Variants in DLGAP2 observed in about 807,000 individuals in gnomAD.
The protein encoded by DLGAP2 is disks large-associated protein 2.
A neutral mutation model predicts 100.3 loss-of-function variants in DLGAP2; 26 were observed. The observed-to-expected ratio is 0.26, with a 90% CI of 0.19 to 0.36. The LOEUF (loss-of-function observed/expected upper bound fraction) is 0.36. Ranked by LOEUF, DLGAP2 falls within the 10% of genes least tolerant of loss-of-function variation. The probability of loss-of-function intolerance (pLI) is 1.00; values close to 1 mark genes in which losing one functional copy is unlikely to be tolerated. For missense variants in DLGAP2, 1,858 were observed against 1,453.2 expected (o/e 1.28, Z -4.53); for synonymous variants, 886 against 630.1 (o/e 1.41, Z -6.08).
chr8:1,075,144 C>G (rs904238878), intron 2 of DLGAP2, among the ~76,000 whole-genome samples: 8 of 152,248 alleles, frequency 5.3e-5, no homozygotes, highest in African/African-American at 1.4e-4. Flanking sequence ...GAGTTCACCA[C>G]TTGGGGCTGA....
At chr8:1,653,288 T>C (rs898549439) in intron 8 of DLGAP2, among the ~76,000 whole-genome samples, 2 of 152,124 alleles carry the variant, frequency 1.3e-5, no homozygotes, top group Admixed American at 1.3e-4. Flanking sequence ...TGGTTCTTGG[T>C]GCTGGCCCTG....
chr8:948,329 C>T (rs962611392), intron 2 of DLGAP2, among the ~76,000 whole-genome samples: 3 of 152,204 alleles, frequency 2.0e-5, no homozygotes, highest in Non-Finnish European at 4.4e-5. Flanking sequence ...CGCCTGCGGG[C>T]GTGAGGTCCG....
At chr8:1,345,541 T>G (rs1801535234) in intron 3 of DLGAP2, among the ~76,000 whole-genome samples, 1 of 152,260 alleles carries the variant, frequency 6.6e-6, no homozygotes, top group Non-Finnish European at 1.5e-5. Flanking sequence ...TTTAATCTGA[T>G]AAGCCATCTT....
chr8:1,389,316 C>T (rs1049026309), intron 3 of DLGAP2, among the ~76,000 whole-genome samples: 2 of 141,272 alleles, frequency 1.4e-5, no homozygotes, highest in East Asian at 2.1e-4. Context: ...GGGAAGGCGA[C>T]GTGGCTTCCT....
rs1204283330 is a variant in DLGAP2, at chr8:1,028,468, C to T, written c.73+120502C>T. ...TATTCTCCAGGTGGGGTGTCAGGCG[C>T]CCTTTATTCTCCAGGTGGGGTGCCA... On this transcript the variant is annotated intron_variant, in intron 2 of 14. Transcript: ENST00000637795. Among the ~76,000 whole-genome samples, 10 of 151,210 alleles carry T rather than the reference C, an allele frequency of 6.6e-5. No individual in the cohort carries two copies. In the South Asian group the frequency reaches 1.9e-3, roughly 29 times the overall value.
chr8:1,252,527 T>G (rs1006577265), intron 2 of DLGAP2, among the ~76,000 whole-genome samples: 4 of 152,254 alleles, frequency 2.6e-5, no homozygotes, highest in Non-Finnish European at 5.9e-5. Context: ...CACGGTGGTG[T>G]TGTCACGTGG....
At chr8:1,505,898 C>A (rs1204276462) in intron 4 of DLGAP2, among the ~76,000 whole-genome samples, 1 of 151,966 alleles carries the variant, frequency 6.6e-6, no homozygotes, top group Non-Finnish European at 1.5e-5. Context: ...GCTATATTGA[C>A]CCAAATTTTG....
intron 1 of DLGAP2, among the ~76,000 whole-genome samples, chr8:845,173 T>C (rs757784126): frequency 1.6e-4 from 24 of 152,212 alleles, no homozygotes; most frequent in Non-Finnish European, 3.4e-4. Context: ...TTCTCTTGGG[T>C]ATATACCTAG....
At chr8:1,136,064 G>T (rs913401370) in intron 2 of DLGAP2, among the ~76,000 whole-genome samples, 6 of 152,068 alleles carry the variant, frequency 3.9e-5, no homozygotes, top group Admixed American at 2.0e-4. Flanking sequence ...TTCCCAACCT[G>T]CTCATGAAAA....
At chr8:813,836 C>T (rs1201379569) in intron 1 of DLGAP2, among the ~76,000 whole-genome samples, 1 of 152,172 alleles carries the variant, frequency 6.6e-6, no homozygotes, top group Non-Finnish European at 1.5e-5. Flanking sequence ...TTATCCTATG[C>T]AACAGCTACC....
At chr8:1,067,646 T>TGA (rs1554476860) in intron 2 of DLGAP2, among the ~76,000 whole-genome samples, 7 of 146,398 alleles carry the variant, frequency 4.8e-5, no homozygotes, top group South Asian at 4.3e-4. Context: ...TGTGTGTGTG[T>TGA]GACTTAATAT....
At chr8:967,745 G>T (rs1156525558) in intron 2 of DLGAP2, among the ~76,000 whole-genome samples, 1 of 113,718 alleles carries the variant, frequency 8.8e-6, no homozygotes, top group Non-Finnish European at 1.8e-5. Flanking sequence ...GATCCCAAAA[G>T]TGGTGTTCAA....
chr8:967,100 A>T (rs1467356902), intron 2 of DLGAP2, among the ~76,000 whole-genome samples: 2 of 152,254 alleles, frequency 1.3e-5, no homozygotes, highest in Admixed American at 1.3e-4. Context: ...TTTCTTGATT[A>T]TACAGATGTC....
At chr8:1,313,792 GGAAGC>G (rs1266579843) in intron 3 of DLGAP2, among the ~76,000 whole-genome samples, 1 of 152,056 alleles carries the variant, frequency 6.6e-6, no homozygotes. Context: ...GAGGGGAGAA[GGAAGC>G]AAGATCCAAG....
Position 1,703,805 on chromosome 8 carries a change from C to G in DLGAP2, c.*2399C>G, listed in dbSNP as rs1262908905. 6.6e-6 allele frequency: 1 copy of G among 152,512 alleles called. No homozygotes were observed. Among genetic ancestry groups the G allele is most frequent in the Non-Finnish European group, 1.5e-5 (1 of 68,018 alleles). The allele number at this position is 152,512 out of a possible 1,614,324, so 9.4% of individuals were successfully genotyped here. ...TAGACTCATTGTTATTTTTCAATCC[C>G]CAAAAGTCTTGGCCTAAACCATCCC... On this transcript the variant is annotated 3_prime_UTR_variant, in exon 15 of 15. Transcript: ENST00000637795.
intron 2 of DLGAP2, among the ~76,000 whole-genome samples, chr8:985,224 G>T (rs1800451661): frequency 6.6e-6 from 1 of 152,170 alleles, no homozygotes; most frequent in Non-Finnish European, 1.5e-5. Flanking sequence ...AAGATACAAG[G>T]TCCGAAGGCC....
At chr8:1,417,727 A>G (rs5024506) in intron 3 of DLGAP2, among the ~76,000 whole-genome samples, 105,902 of 111,566 alleles carry the variant, frequency 0.95, 50,313 homozygotes, top group East Asian at 0.98. Flanking sequence ...GAGGCTCCAG[A>G]CACAGAAGCC....
intron 2 of DLGAP2, among the ~76,000 whole-genome samples, chr8:1,159,864 C>T (rs1225787326): frequency 6.6e-6 from 1 of 152,222 alleles, no homozygotes; most frequent in Non-Finnish European, 1.5e-5. Context: ...TGTCTGTCTA[C>T]AGGCCCCCCA....
chr8:817,556 A>G (rs1185065763), intron 1 of DLGAP2, among the ~76,000 whole-genome samples: 1 of 152,170 alleles, frequency 6.6e-6, no homozygotes, highest in Non-Finnish European at 1.5e-5. Flanking sequence ...TCCTGTTACC[A>G]GAATTGTTTT....
Sources: gnomAD v4.1 joint callset for allele counts (sites outside exome capture counted in the v4.1 genomes callset) on GRCh38, gnomAD v4.1.1 for gene constraint, MANE v1.5 for transcripts, NCBI Gene and HGNC (gene_info 2026-07-23, HGNC 2026-07-21) for gene names.